The following PDE6C variants were observed in gnomAD, a reference collection of about 807,000 sequenced individuals.
PDE6C encodes the protein phosphodiesterase 6C.
A neutral mutation model predicts 113.1 loss-of-function variants in PDE6C; 75 were observed. The observed-to-expected ratio is 0.66, with a 90% CI of 0.55 to 0.80. The LOEUF (loss-of-function observed/expected upper bound fraction) is 0.80. PDE6C is among the 30% of genes least tolerant of loss of function. PDE6C has a pLI of 0.00. For missense variants in PDE6C, 912 were observed against 1,038.6 expected, an observed-to-expected ratio of 0.88 and a Z score of 1.67; for synonymous variants, 375 against 363.7, an observed-to-expected ratio of 1.03 and a Z score of -0.35.
intron 4 of PDE6C, among the ~76,000 whole-genome samples, chr10:93,623,460 T>A (rs2058458188): frequency 6.6e-6 from 1 of 152,352 alleles, no homozygotes; most frequent in Admixed American, 6.5e-5. Flanking sequence ...AGGTTTTAAT[T>A]TTAATGAAGT....
intron 21 of PDE6C, 134 bp downstream of exon 21, chr10:93,663,312 AGGCCGATTAGTG>A: frequency 1.1e-6 from 1 of 874,142 alleles, no homozygotes; most frequent in Non-Finnish European, 1.9e-6. Flanking sequence ...TCATTTTAAC[AGGCCGATTAGTG>A]GTTTTCAGGT....
At chr10:93,619,769 A>AT (rs2058436711) in intron 1 of PDE6C, among the ~76,000 whole-genome samples, 1 of 152,158 alleles carries the variant, frequency 6.6e-6, no homozygotes, top group Admixed American at 6.5e-5. Context: ...GTAAAGAAAA[A>AT]CTGTATGTTC....
intron 7 of PDE6C, among the ~76,000 whole-genome samples, chr10:93,627,933 C>A (rs1484954502): frequency 6.6e-6 from 1 of 152,158 alleles, no homozygotes; most frequent in Non-Finnish European, 1.5e-5. Context: ...AAAGCACTTA[C>A]CTTGGGGCCG....
Position 93,661,818 on chromosome 10 carries a change from C to T in PDE6C, c.2209-241C>T, listed in dbSNP as rs369040129. ...TTCGTTGGTGAGAAGTGGTGGCAAT[C>T]GTAAATGGGAGATAGATACTCCTAG... On this transcript the variant is annotated intron_variant, in intron 18 of 21. Transcript: ENST00000371447. Among the ~76,000 whole-genome samples, 82 of 152,204 alleles carry T rather than the reference C, an allele frequency of 5.4e-4. No homozygotes were observed. The South Asian group carries it at 0.016, about 30-fold the overall frequency.
In PDE6C at chr10:93,640,927, G is replaced by A. The variant is rs2058556529; in HGVS notation, c.1745G>A (p.Arg582Lys). 6.3e-7 allele frequency: 1 copy of A among 1,597,946 alleles called. No homozygotes were observed. The highest frequency in any genetic ancestry group is 8.6e-7 in the Non-Finnish European group (1 of 1,165,398). ...TATATGTTATTTTTTTAGACAGGAA[G>A]ATTAAAGAAGTACTACACAGATCTC... is the stretch of plus-strand genomic sequence containing the variant. ...QTMFTLLMTGRLKKYYTDLEA... is the reference protein window; with the variant it reads ...QTMFTLLMTGKLKKYYTDLEA... Residue 582 changes from arginine (R) to lysine (K), a missense_variant, in exon 14 of 22, where the codon AGA (arginine) becomes AAA (lysine). By Grantham distance (26) the Arg-to-Lys change is conservative (BLOSUM62 2). Transcript: ENST00000371447.
Position 93,634,872 on chromosome 10 carries a change from A to C in PDE6C, c.1234A>C (p.Lys412Gln), listed in dbSNP as rs750495412. The C allele has an allele frequency of 6.2e-7, 1 of 1,614,134 alleles. No homozygotes were observed. Among genetic ancestry groups the C allele is most frequent in the Non-Finnish European group, 8.5e-7 (1 of 1,179,994 alleles). Residue 412 changes from lysine to glutamine, a missense_variant, in exon 9 of 22, where the codon AAA (lysine) becomes CAA (glutamine). Transcript: ENST00000371447. Reference sequence around the variant, plus strand: ...TACATTTTACAACAGGAAGGATGGAAAACCTTTCGATGAGCATGATGAATA... The same window carrying C: ...TACATTTTACAACAGGAAGGATGGACAACCTTTCGATGAGCATGATGAATA... ...VATFYNRKDG[K>Q]PFDEHDEYIT...
intron 11 of PDE6C, among the ~76,000 whole-genome samples, chr10:93,638,855 G>A (rs535385965): frequency 2.6e-5 from 4 of 152,160 alleles, no homozygotes; most frequent in South Asian, 2.1e-4. Flanking sequence ...AGAGTGTGAG[G>A]GGTCAGCCCA....
chr10:93,653,884 A>G (rs2058620946), intron 15 of PDE6C, among the ~76,000 whole-genome samples: 1 of 152,178 alleles, frequency 6.6e-6, no homozygotes, highest in African/African-American at 2.4e-5. Flanking sequence ...GTCCTAGAAA[A>G]TGTTATAAAA....
chr10:93,615,412 T>C (rs1458113562), intron 1 of PDE6C, among the ~76,000 whole-genome samples: 1 of 152,258 alleles, frequency 6.6e-6, no homozygotes, highest in South Asian at 2.1e-4. Flanking sequence ...GAGACAGTCT[T>C]GCTCCATCAC....
chr10:93,619,407 T>C (rs2058434713), intron 1 of PDE6C, among the ~76,000 whole-genome samples: 1 of 152,192 alleles, frequency 6.6e-6, no homozygotes, highest in Non-Finnish European at 1.5e-5. Context: ...CAGTGGAAGT[T>C]AGAATGTGAA....
chr10:93,622,657 TTTTTGTTGTTTTTTTTTTTTTG>T (rs2058453557), intron 4 of PDE6C, among the ~76,000 whole-genome samples: 1 of 72,158 alleles, frequency 1.4e-5, no homozygotes, highest in African/African-American at 5.3e-5. Context: ...TTTGTTTTTT[TTTTTGTTGTTTTTTTTTTTTTG>T]CTGTTTCTAT....
intron 15 of PDE6C, among the ~76,000 whole-genome samples, chr10:93,651,814 A>G (rs1165922799): frequency 2.6e-5 from 4 of 152,212 alleles, no homozygotes; most frequent in Admixed American, 2.0e-4. Context: ...AGAAGTCAAT[A>G]CAAATGTACA....
Position 93,620,871 on chromosome 10 carries a change from T to C in PDE6C, c.634-20T>C, listed in dbSNP as rs556895931. The C allele has an allele frequency of 6.2e-7, 1 of 1,613,552 alleles. No individual in the cohort carries two copies. The highest frequency in any genetic ancestry group is 1.3e-5 in the African/African-American group (1 of 75,036). On this transcript the variant is annotated intron_variant, in intron 2 of 21. Coordinates refer to ENST00000371447, the MANE Select transcript of PDE6C (RefSeq NM_006204.4). ...GAAAAGATGTCACAACCATAACTTGTTATTCTCTGCCGTCTGTAGGTCTTT... is the reference window on the plus strand; with the variant it reads ...GAAAAGATGTCACAACCATAACTTGCTATTCTCTGCCGTCTGTAGGTCTTT...
chr10:93,625,645 G>A lies in PDE6C; in HGVS notation c.935G>A (p.Gly312Asp). ...EPYKGPKTPD[G>D]REVNFYKIID... ...TATAAAGGTCCAAAGACACCTGATG[G>A]CAGGGTACGTGCAAATGTCTTCCTT... The change falls in exon 5 of 22, where the codon GGC (glycine) becomes GAC (aspartate). Residue 312 changes from glycine to aspartate, a missense_variant. By Grantham distance (94) the Gly-to-Asp change is moderately conservative. Transcript: ENST00000371447. The A allele has an allele frequency of 6.2e-7, 1 of 1,609,246 alleles. No individual in the cohort carries two copies. Among genetic ancestry groups the A allele is most frequent in the Non-Finnish European group, 8.5e-7 (1 of 1,175,598 alleles).
In PDE6C at chr10:93,620,703, C is replaced by T. The variant is rs778668210; in HGVS notation, c.552C>T (p.Ile184=). 11 of 1,614,058 alleles carry T rather than the reference C, an allele frequency of 6.8e-6. No individual in the cohort carries two copies. Among genetic ancestry groups the T allele is most frequent in the South Asian group, 1.1e-5 (1 of 91,082 alleles). ...CTAAGAACCTGCTGGCAACCCCGAT[C>T]GTGGTGGGCAAGGAGGTTCTTGCTG... The part of the protein sequence containing the change: ...YVTKNLLATP[I]VVGKEVLAVI... The change falls in exon 2 of 22, where the codon ATC becomes ATT. Residue 184 remains isoleucine, a synonymous_variant. Transcript: ENST00000371447.
At chr10:93,659,244 T>C in intron 18 of PDE6C, 77 bp downstream of exon 18, 1 of 999,984 alleles carries the variant, frequency 1.0e-6, no homozygotes, top group East Asian at 2.4e-5. Flanking sequence ...CACCTAAAGA[T>C]CTCAGGCAAC....
intron 11 of PDE6C, 34 bp downstream of exon 11, chr10:93,637,097 A>T: frequency 9.7e-7 from 1 of 1,030,394 alleles, no homozygotes; most frequent in Non-Finnish European, 1.5e-6. Context: ...AATGCCTGTT[A>T]AATAGAGGCA....
At chr10:93,623,306 ATGT>A (rs2058457539) in intron 4 of PDE6C, among the ~76,000 whole-genome samples, 1 of 151,936 alleles carries the variant, frequency 6.6e-6, no homozygotes, top group Non-Finnish European at 1.5e-5. Context: ...ACATTTTTTT[ATGT>A]TGTTTTCTTA....
Position 93,620,649 on chromosome 10 carries a change from C to G in PDE6C, c.498C>G (p.Asp166Glu). ...TCTTTCAGAACAGCCATTTTTCTGA[C>G]TTCATGGACAAGCAAACTGGGTATG... ...PDVKKNSHFS[D>E]FMDKQTGYVT... is the part of the protein sequence containing the mutation. The change falls in exon 2 of 22, where the codon GAC (aspartate) becomes GAG (glutamate). Residue 166 changes from aspartate to glutamate, a missense_variant. Physicochemically the swap from Asp to Glu is conservative, Grantham distance 45. Transcript: ENST00000371447. 6.2e-7 allele frequency: 1 copy of G among 1,614,130 alleles called. No individual in the cohort carries two copies. The highest frequency in any genetic ancestry group is 8.5e-7 in the Non-Finnish European group (1 of 1,180,000).
Sources: gnomAD v4.1 joint callset for allele counts (sites outside exome capture counted in the v4.1 genomes callset) on GRCh38, gnomAD v4.1.1 for gene constraint, MANE v1.5 for transcripts, NCBI Gene and HGNC (gene_info 2026-07-23, HGNC 2026-07-21) for gene names.